The following TMOD3 variants were observed in gnomAD, a reference collection of about 807,000 sequenced individuals.
The protein encoded by TMOD3 is tropomodulin 3, also known as tropomodulin-3.
In TMOD3, 20 loss-of-function variants were observed where a neutral mutation model predicts 39.2. The observed-to-expected ratio is 0.51, with a 90% CI of 0.36 to 0.74. The LOEUF is 0.74. Among genes scored for constraint, TMOD3 ranks in the 30% least tolerant of loss-of-function variants. TMOD3 has a pLI of 0.00. For missense variants in TMOD3, 381 were observed against 412.8 expected, an observed-to-expected ratio of 0.92 and a Z score of 0.67; for synonymous variants, 143 against 145.8, an observed-to-expected ratio of 0.98 and a Z score of 0.14.
rs528459517 is a variant in TMOD3, at chr15:51,878,827, A to G, written c.284-8762A>G. 9.2e-5 allele frequency among the ~76,000 whole-genome samples: 14 copies of G among 152,332 alleles called. 1 individual carries two copies. In the South Asian group the frequency reaches 1.0e-3, roughly 11 times the overall value. ...GATTATAGTGGAGTAGTGTCCTTCA[A>G]TCTTTTCTGGAACAAGGCAGTTTAT... is the stretch of plus-strand genomic sequence containing the variant. On this transcript the variant is annotated intron_variant, in intron 3 of 9. Coordinates refer to ENST00000308580, the MANE Select transcript of TMOD3 (RefSeq NM_014547.5).
At chr15:51,867,043 A>C (rs535378750) in intron 2 of TMOD3, among the ~76,000 whole-genome samples, 14 of 152,158 alleles carry the variant, frequency 9.2e-5, no homozygotes, top group Non-Finnish European at 1.5e-4. Flanking sequence ...ACACACATAG[A>C]GGCCTGGTGG....
Position 51,887,718 on chromosome 15 carries a change from C to T in TMOD3, c.406+7C>T, listed in dbSNP as rs760744191. 5 of 1,613,124 alleles carry T rather than the reference C, an allele frequency of 3.1e-6. No homozygotes were observed. The highest frequency in any genetic ancestry group is 4.2e-6 in the Non-Finnish European group (5 of 1,179,832). On this transcript the variant is annotated splice_region_variant and intron_variant, in intron 4 of 9. Coordinates refer to ENST00000308580, the MANE Select transcript of TMOD3 (RefSeq NM_014547.5). ...GAATTGTGTGACCTCGCAGGTATCA[C>T]CTAAAACAAGTTAATTTGTGAATAA... is the stretch of plus-strand genomic sequence containing the variant.
At chr15:51,851,015 C>T (rs868349397) in intron 1 of TMOD3, among the ~76,000 whole-genome samples, 2 of 152,146 alleles carry the variant, frequency 1.3e-5, no homozygotes, top group African/African-American at 2.4e-5. Context: ...CATGAGCCAC[C>T]GCACTCGGCC....
intron 2 of TMOD3, among the ~76,000 whole-genome samples, chr15:51,865,166 A>T (rs1009938790): frequency 6.6e-6 from 1 of 152,006 alleles, no homozygotes; most frequent in East Asian, 1.9e-4. Context: ...ACTTTTTAAA[A>T]TTTTTTGTAG....
At chr15:51,887,853 T>C (rs2554309) in intron 4 of TMOD3, 142 bp downstream of exon 4, 20,566 of 1,013,978 alleles carry the variant, frequency 0.02, 985 homozygotes, top group African/African-American at 0.13. Flanking sequence ...GCTTTATATT[T>C]TACACGGTAA....
intron 1 of TMOD3, among the ~76,000 whole-genome samples, chr15:51,843,993 T>TGAGTGTGG (rs2056324555): frequency 6.6e-6 from 1 of 152,116 alleles, no homozygotes; most frequent in Non-Finnish European, 1.5e-5. Flanking sequence ...TGCTGTTACC[T>TGAGTGTGG]GAGTGTGGCA....
chr15:51,896,356 T>C, intron 6 of TMOD3, 63 bp from the exon 7 acceptor site: 1 of 1,190,420 alleles, frequency 8.4e-7, no homozygotes. Flanking sequence ...TATATTTGAT[T>C]AATGGAAACT....
intron 9 of TMOD3, 59 bp downstream of exon 9, chr15:51,902,095 A>C (rs1322716436): frequency 1.3e-6 from 2 of 1,574,618 alleles, no homozygotes; most frequent in Non-Finnish European, 1.7e-6. Flanking sequence ...TATTGGGGGA[A>C]CTTCTTTCCC....
intron 6 of TMOD3, among the ~76,000 whole-genome samples, chr15:51,895,752 A>G (rs992500987): frequency 6.6e-6 from 1 of 152,210 alleles, no homozygotes; most frequent in East Asian, 1.9e-4. Context: ...CGTACTCATC[A>G]GAGATGGACT....
chr15:51,861,129 A>T (rs1260383104), intron 1 of TMOD3: 1 of 516,090 alleles, frequency 1.9e-6, no homozygotes, highest in Non-Finnish European at 3.7e-6. Context: ...AACATAATTG[A>T]TAAAGTCGTC....
At chr15:51,891,155 T>G (rs1248206615) in intron 5 of TMOD3, among the ~76,000 whole-genome samples, 1 of 152,138 alleles carries the variant, frequency 6.6e-6, no homozygotes, top group Non-Finnish European at 1.5e-5. Context: ...GTTTCATGAT[T>G]GGCTCAAAAA....
Position 51,896,068 on chromosome 15 carries a change from G to A in TMOD3, c.628-351G>A, listed in dbSNP as rs1001678383. ...GGTTGCAGTGAGCTGAGATTGCGCC[G>A]TTGCACTCCAACCTGGGCAACAAGA... is the stretch of plus-strand genomic sequence containing the variant. On this transcript the variant is annotated intron_variant, in intron 6 of 9. Coordinates refer to ENST00000308580, the MANE Select transcript of TMOD3 (RefSeq NM_014547.5). Among the ~76,000 whole-genome samples the A allele has an allele frequency of 4.6e-5, 7 of 152,040 alleles. No homozygotes were observed. In the East Asian group the frequency reaches 7.7e-4, roughly 17 times the overall value.
intron 3 of TMOD3, among the ~76,000 whole-genome samples, chr15:51,873,814 G>T (rs574132071): frequency 1.8e-4 from 27 of 152,120 alleles, no homozygotes; most frequent in Admixed American, 9.2e-4. Context: ...TAGAGACGGG[G>T]TTTCACCATG....
intron 3 of TMOD3, among the ~76,000 whole-genome samples, chr15:51,881,546 A>ATTTTT (rs1402629961): frequency 4.0e-5 from 2 of 49,854 alleles, no homozygotes; most frequent in African/African-American, 1.9e-4. Flanking sequence ...ATCTTTCTTT[A>ATTTTT]TTTCTTTTTT....
At chr15:51,886,060 C>T (rs1297064577) in intron 3 of TMOD3, among the ~76,000 whole-genome samples, 3 of 151,078 alleles carry the variant, frequency 2.0e-5, no homozygotes, top group African/African-American at 7.3e-5. Context: ...CTCCTCACTT[C>T]TCAGACGGGG....
intron 1 of TMOD3, among the ~76,000 whole-genome samples, chr15:51,835,315 T>C (rs1338916802): frequency 1.3e-5 from 2 of 152,232 alleles, no homozygotes; most frequent in Non-Finnish European, 2.9e-5. Flanking sequence ...TGTTTTGTTT[T>C]GTTTTGAGAC....
Position 51,911,361 on chromosome 15 carries a change from C to T in TMOD3, c.*2551C>T, listed in dbSNP as rs894600571. On this transcript the variant is annotated 3_prime_UTR_variant, in exon 10 of 10. Coordinates refer to ENST00000308580, the MANE Select transcript of TMOD3 (RefSeq NM_014547.5). ...TGCATTATAGTAGTTCATTGTATAA[C>T]TGAAAGAAATGATTTCTTCATAAGT... is the stretch of plus-strand genomic sequence containing the variant. 3 of 152,080 alleles carry T rather than the reference C, an allele frequency of 2.0e-5. No individual in the cohort carries two copies. The highest frequency in any genetic ancestry group is 4.4e-5 in the Non-Finnish European group (3 of 68,034). The allele number at this position is 152,080 out of a possible 1,614,324, so 9.4% of individuals were successfully genotyped here.
At chr15:51,842,345 A>G (rs2056316397) in intron 1 of TMOD3, among the ~76,000 whole-genome samples, 3 of 152,206 alleles carry the variant, frequency 2.0e-5, no homozygotes, top group Non-Finnish European at 4.4e-5. Flanking sequence ...AATTTTATCA[A>G]GGCATAATTT....
intron 2 of TMOD3, among the ~76,000 whole-genome samples, chr15:51,865,042 A>G (rs2056438500): frequency 6.6e-6 from 1 of 152,154 alleles, no homozygotes; most frequent in Non-Finnish European, 1.5e-5. Context: ...GCAAGAGTGA[A>G]GTGGTGCAGT....
Sources: allele counts gnomAD v4.1 joint callset (sites outside exome capture counted in the v4.1 genomes callset), GRCh38; gene constraint gnomAD v4.1.1; transcripts MANE v1.5; gene names NCBI Gene and HGNC (gene_info 2026-07-23, HGNC 2026-07-21).